Variants in ST18 observed in about 807,000 individuals in gnomAD.
ST18 encodes ST18 C2H2C-type zinc finger transcription factor.
Under a neutral mutation model 110.0 loss-of-function variants are expected in ST18, and 50 were observed. The observed-to-expected ratio is 0.45, with a 90% confidence interval of 0.36 to 0.58. ST18 has a LOEUF of 0.58. ST18 is among the 20% of genes least tolerant of loss of function. The pLI is 0.00. For missense variants in ST18, 1,306 were observed against 1,280.1 expected (o/e 1.02, Z -0.31); for synonymous variants, 461 against 452.4 (o/e 1.02, Z -0.24).
chr8:52,134,790 C>T (rs2051302400), intron 19 of ST18, among the ~76,000 whole-genome samples: 1 of 152,098 alleles, frequency 6.6e-6, no homozygotes, highest in African/African-American at 2.4e-5. Flanking sequence ...GGTTTTATAG[C>T]ATATTGATTG....
chr8:52,291,016 C>A (rs2095548086), intron 2 of ST18, among the ~76,000 whole-genome samples: 1 of 152,210 alleles, frequency 6.6e-6, no homozygotes, highest in South Asian at 2.1e-4. Context: ...CAGAACATCA[C>A]CCCGCAGTCA....
At chr8:52,157,508 T>A (rs1297879543) in intron 15 of ST18, among the ~76,000 whole-genome samples, 3 of 152,134 alleles carry the variant, frequency 2.0e-5, no homozygotes, top group Non-Finnish European at 4.4e-5. Flanking sequence ...AAGAAGGAAT[T>A]TATTCAGATT....
chr8:52,336,250 G>A (rs927657368), intron 2 of ST18, among the ~76,000 whole-genome samples: 1 of 152,084 alleles, frequency 6.6e-6, no homozygotes, highest in African/African-American at 2.4e-5. Context: ...CCGGGTTCAA[G>A]CGATTCTCCT....
intron 8 of ST18, among the ~76,000 whole-genome samples, chr8:52,203,197 G>T (rs74773663): frequency 0.015 from 2,240 of 152,268 alleles, 19 homozygotes; most frequent in Middle Eastern, 0.027. Flanking sequence ...GGGGTAGGGG[G>T]AACCATGACA....
intron 2 of ST18, among the ~76,000 whole-genome samples, chr8:52,346,566 C>T (rs915332254): frequency 7.9e-5 from 12 of 152,186 alleles, no homozygotes; most frequent in East Asian, 5.8e-4. Context: ...CAGAGCATCA[C>T]GAGCTCCAGT....
intron 2 of ST18, among the ~76,000 whole-genome samples, chr8:52,319,991 T>C (rs566897040): frequency 2.1e-4 from 32 of 152,242 alleles, no homozygotes; most frequent in South Asian, 4.1e-4. Context: ...AGCCATACTT[T>C]ACTGGTTGAA....
intron 8 of ST18, among the ~76,000 whole-genome samples, chr8:52,198,222 G>A (rs558465141): frequency 2.6e-5 from 4 of 152,204 alleles, no homozygotes; most frequent in African/African-American, 9.6e-5. Flanking sequence ...GACCAGGCTG[G>A]TCTCGAACTC....
intron 2 of ST18, among the ~76,000 whole-genome samples, chr8:52,389,926 C>T (rs1838702643): frequency 6.6e-6 from 1 of 151,832 alleles, no homozygotes; most frequent in Non-Finnish European, 1.5e-5. Flanking sequence ...TATATTTACT[C>T]CAACAACAAC....
At chr8:52,125,553 A>C (rs2046697469) in intron 23 of ST18, among the ~76,000 whole-genome samples, 2 of 152,096 alleles carry the variant, frequency 1.3e-5, no homozygotes, top group African/African-American at 4.8e-5. Context: ...GCCCTATCAT[A>C]TCTCACTACA....
chr8:52,379,495 T>G (rs1833722088), intron 2 of ST18, among the ~76,000 whole-genome samples: 1 of 152,052 alleles, frequency 6.6e-6, no homozygotes, highest in African/African-American at 2.4e-5. Flanking sequence ...CAGTTTGAAC[T>G]CCAAAGGTCC....
intron 2 of ST18, among the ~76,000 whole-genome samples, chr8:52,351,837 TA>T (rs1012679305): frequency 2.0e-5 from 3 of 152,192 alleles, no homozygotes; most frequent in African/African-American, 7.2e-5. Context: ...AACAATCAGT[TA>T]AAACTCTAGA....
intron 3 of ST18, chr8:52,229,805 A>C (rs1169921877): frequency 2.0e-5 from 3 of 152,190 alleles, no homozygotes; most frequent in Non-Finnish European, 2.9e-5. Context: ...CCCTAATATC[A>C]AACATATGAA....
At chr8:52,302,796 A>G (rs190923699) in intron 2 of ST18, among the ~76,000 whole-genome samples, 1 of 152,210 alleles carries the variant, frequency 6.6e-6, no homozygotes, top group African/African-American at 2.4e-5. Context: ...AGATATAAAA[A>G]TATATTTTAA....
rs768522870 is a variant in ST18 at position 52,133,225 on chromosome 8, A to G, written c.2363+14T>C. The G allele has an allele frequency of 2.6e-5, 42 of 1,614,070 alleles. No homozygotes were observed. The South Asian group carries it at 2.9e-4, about 11-fold the overall frequency. ...AAGCTCATTTCCACATCTCAGAAAT[A>G]AGATCAATCCTACCTTCTGTGGGAA... On this transcript the variant is annotated intron_variant, in intron 20 of 25. Coordinates refer to ENST00000689386, the MANE Select transcript of ST18 (RefSeq NM_001352837.2).
At chr8:52,151,207 C>A (rs1200393755) in intron 15 of ST18, among the ~76,000 whole-genome samples, 1 of 152,092 alleles carries the variant, frequency 6.6e-6, no homozygotes, top group Non-Finnish European at 1.5e-5. Context: ...CACTCCCAAC[C>A]CCCAAACAGG....
chr8:52,213,628 A>G (rs1404001409), intron 7 of ST18, among the ~76,000 whole-genome samples: 1 of 152,176 alleles, frequency 6.6e-6, no homozygotes, highest in Non-Finnish European at 1.5e-5. Context: ...TGTTTAGATC[A>G]TCAAGGGCCT....
At chr8:52,375,408 A>G (rs1162783960) in intron 2 of ST18, among the ~76,000 whole-genome samples, 7 of 152,120 alleles carry the variant, frequency 4.6e-5, no homozygotes, top group Admixed American at 6.5e-5. Flanking sequence ...ACTGAATCCA[A>G]GGACCTATTC....
chr8:52,219,056 C>G (rs1241632384), intron 5 of ST18, among the ~76,000 whole-genome samples: 2 of 152,168 alleles, frequency 1.3e-5, no homozygotes, highest in Non-Finnish European at 2.9e-5. Flanking sequence ...ATGCCAGCAT[C>G]TTGGACTGAA....
At chr8:52,342,833 T>C (rs1815776420) in intron 2 of ST18, among the ~76,000 whole-genome samples, 1 of 152,212 alleles carries the variant, frequency 6.6e-6, no homozygotes, top group South Asian at 2.1e-4. Flanking sequence ...AGACAAGATA[T>C]GTTTCCCCAT....
Sources: allele counts gnomAD v4.1 joint callset (sites outside exome capture counted in the v4.1 genomes callset), GRCh38; gene constraint gnomAD v4.1.1; transcripts MANE v1.5; gene names NCBI Gene and HGNC (gene_info 2026-07-23, HGNC 2026-07-21).